Variants in PTPN3 observed in about 807,000 individuals in gnomAD.
PTPN3 encodes the protein protein tyrosine phosphatase non-receptor type 3, also known as tyrosine-protein phosphatase non-receptor type 3.
Under a neutral mutation model 132.7 loss-of-function variants are expected in PTPN3, and 96 were observed. That is an observed-to-expected ratio of 0.72 (90% CI 0.61 to 0.86). PTPN3 has a LOEUF of 0.86. Ranked by LOEUF, PTPN3 falls within the 40% of genes least tolerant of loss-of-function variation. PTPN3 has a pLI of 0.00. For synonymous variants in PTPN3, 398 were observed against 429.0 expected (o/e 0.93, Z 0.89); for missense variants, 1,125 against 1,159.6 (o/e 0.97, Z 0.43).
intron 19 of PTPN3, among the ~76,000 whole-genome samples, chr9:109,397,340 T>C (rs1433420092): frequency 6.6e-6 from 1 of 152,220 alleles, no homozygotes; most frequent in Admixed American, 6.5e-5. Flanking sequence ...CAAGGAATAA[T>C]GGGATCTGCT....
intron 2 of PTPN3, among the ~76,000 whole-genome samples, chr9:109,459,644 G>A (rs2900491): frequency 0.33 from 50,336 of 151,890 alleles, 9,137 homozygotes; most frequent in African/African-American, 0.45. Context: ...CAAACTCCTG[G>A]GCTCAAGGGA....
intron 2 of PTPN3, among the ~76,000 whole-genome samples, chr9:109,458,367 T>C (rs567662306): frequency 2.0e-5 from 3 of 152,202 alleles, no homozygotes; most frequent in East Asian, 1.9e-4. Context: ...CAGCATGGAG[T>C]GTTTGGAAAA....
Position 109,408,437 on chromosome 9 carries a change from C to A in PTPN3, c.1579-60G>T, listed in dbSNP as rs1841750229. On this transcript the variant is annotated intron_variant, in intron 16 of 25. Transcript: ENST00000374541. ...TTTTTAAGTTAAACAAACAAACAAA[C>A]AAAAAAACGAGTAGCTCACAGCATC... 1.1e-5 allele frequency: 15 copies of A among 1,380,548 alleles called. No homozygotes were observed. In the Admixed American group the frequency reaches 2.4e-4, roughly 22 times the overall value. The allele number at this position is 1,380,548 out of a possible 1,614,324, so 85.5% of individuals were successfully genotyped here. A position where few individuals can be genotyped will look rare whatever the true frequency, so the allele number is the denominator to read the frequency against.
At position 109,376,936 on chromosome 9, in the gene PTPN3, G is replaced by A. The variant is rs1316403678; in HGVS notation, c.*2620C>T. On this transcript the variant is annotated 3_prime_UTR_variant, in exon 26 of 26. Coordinates refer to ENST00000374541, the MANE Select transcript of PTPN3 (RefSeq NM_002829.4). ...CTGGCCTGCCCAGTGGCAGAAGACTGCTTGCAACCTTTGGTAGGCTTTTTA... is the reference window on the plus strand; with the variant it reads ...CTGGCCTGCCCAGTGGCAGAAGACTACTTGCAACCTTTGGTAGGCTTTTTA... The A allele has an allele frequency of 6.6e-6, 1 of 152,214 alleles. No individual in the cohort carries two copies. The highest frequency in any genetic ancestry group is 1.5e-5 in the Non-Finnish European group (1 of 68,046). 9.4% of individuals were successfully genotyped at this position (152,214 alleles called of 1,614,324 possible).
At chr9:109,418,989 C>T (rs921010687) in intron 14 of PTPN3, among the ~76,000 whole-genome samples, 1 of 152,212 alleles carries the variant, frequency 6.6e-6, no homozygotes, top group Non-Finnish European at 1.5e-5. Context: ...TCTAGTCACG[C>T]ATGCCTGCAC....
chr9:109,382,192 G>A, intron 24 of PTPN3, 110 bp downstream of exon 24: 1 of 1,335,074 alleles, frequency 7.5e-7, no homozygotes, highest in African/African-American at 1.5e-5. Context: ...AGGTTTGTAA[G>A]GGCACACGAC....
intron 11 of PTPN3, among the ~76,000 whole-genome samples, chr9:109,427,354 C>T (rs1227620775): frequency 2.6e-5 from 4 of 152,290 alleles, no homozygotes; most frequent in Non-Finnish European, 5.9e-5. Context: ...TCATCATCTG[C>T]GCTTCTTCAT....
At chr9:109,414,565 C>G (rs1051473998) in intron 14 of PTPN3, among the ~76,000 whole-genome samples, 3 of 152,156 alleles carry the variant, frequency 2.0e-5, no homozygotes, top group African/African-American at 7.2e-5. Flanking sequence ...AGACAGTCAC[C>G]ACAGGAAACA....
intron 10 of PTPN3, 105 bp downstream of exon 10, chr9:109,432,968 A>C: frequency 6.7e-7 from 1 of 1,486,416 alleles, no homozygotes; most frequent in Non-Finnish European, 9.0e-7. Context: ...GGCACTCTCT[A>C]TCTTTTCTTT....
chr9:109,447,502 C>G (rs1844942005), intron 6 of PTPN3, among the ~76,000 whole-genome samples: 1 of 152,016 alleles, frequency 6.6e-6, no homozygotes, highest in Non-Finnish European at 1.5e-5. Context: ...GTAGATTGTG[C>G]TGGGGAAGTG....
At position 109,422,767 on chromosome 9, in the gene PTPN3, A is replaced by C. The variant is rs1034193429; in HGVS notation, c.1087T>G (p.Leu363Val). The C allele has an allele frequency of 1.9e-6, 3 of 1,611,414 alleles. No homozygotes were observed. Among genetic ancestry groups the C allele is most frequent in the Non-Finnish European group, 1.7e-6 (2 of 1,177,912 alleles). ...CGAGAAGGCAGACTCTTGGTTTCTA[A>C]GTGCTCCACTGATAAGGATCTCCGC... The part of the protein sequence containing the change: ...AMRRSLSVEH[L>V]ETKSLPSRSP... Residue 363 changes from leucine to valine, a missense_variant, in exon 13 of 26, where the codon TTA (leucine) becomes GTA (valine). By Grantham distance (32) the Leu-to-Val change is conservative. Coordinates refer to ENST00000374541, the MANE Select transcript of PTPN3 (RefSeq NM_002829.4).
chr9:109,465,719 A>AAAAG (rs1478355110), intron 1 of PTPN3, among the ~76,000 whole-genome samples: 18 of 150,240 alleles, frequency 1.2e-4, no homozygotes, highest in African/African-American at 4.5e-4. Context: ...AAAAAAAAAA[A>AAAAG]AAAAAAAAAA....
intron 1 of PTPN3, among the ~76,000 whole-genome samples, chr9:109,477,045 C>G (rs1399229215): frequency 6.6e-6 from 1 of 152,154 alleles, no homozygotes; most frequent in Non-Finnish European, 1.5e-5. Context: ...GAACCACGCA[C>G]AGGTCACACA....
chr9:109,382,409 G>A lies in PTPN3; in HGVS notation c.2421C>T (p.Val807=), dbSNP rs150855452. Residue 807 remains valine, a synonymous_variant, in exon 24 of 26, where the codon GTC becomes GTT. Coordinates refer to ENST00000374541, the MANE Select transcript of PTPN3 (RefSeq NM_002829.4). ...EEHTVTHLQY[V]AWPDHGVPDD... The stretch of plus-strand genomic sequence containing the variant: ...CGGGCACACCGTGGTCAGGCCATGC[G>A]ACGTACTGGAGATGTGTCACTGTGT... 17 of 1,614,182 alleles carry A rather than the reference G, an allele frequency of 1.1e-5. No individual in the cohort carries two copies. Among genetic ancestry groups the A allele is most frequent in the Middle Eastern group, 3.3e-4 (2 of 6,062 alleles).
intron 25 of PTPN3, 33 bp from the exon 26 acceptor site, chr9:109,379,666 A>C (rs772875589): frequency 6.4e-7 from 1 of 1,568,742 alleles, no homozygotes. Flanking sequence ...CAAGTCCTGT[A>C]GCTCCAGGAA....
At chr9:109,430,620 G>C (rs184178137) in intron 10 of PTPN3, among the ~76,000 whole-genome samples, 220 of 152,328 alleles carry the variant, frequency 1.4e-3, no homozygotes, top group African/African-American at 4.8e-3. Flanking sequence ...AGAGGACATG[G>C]AGCCACTGCC....
intron 11 of PTPN3, among the ~76,000 whole-genome samples, chr9:109,427,617 C>T (rs772255882): frequency 2.0e-5 from 3 of 152,184 alleles, no homozygotes; most frequent in Non-Finnish European, 4.4e-5. Context: ...GCTTTGCCTG[C>T]ATTCTGCATG....
At chr9:109,506,571 C>T in the PTPN3 span, among the ~76,000 whole-genome samples, 1 of 148,524 alleles carries the variant, frequency 6.7e-6, no homozygotes, top group African/African-American at 2.5e-5. Flanking sequence ...TTCCTTCCTT[C>T]CTTCCTCTCT....
the PTPN3 span, among the ~76,000 whole-genome samples, chr9:109,505,052 G>T: frequency 6.6e-6 from 1 of 152,214 alleles, no homozygotes. Context: ...CAGCAGTGAT[G>T]AAGGAAATAC....
Sources: gnomAD v4.1 joint callset for allele counts (sites outside exome capture counted in the v4.1 genomes callset) on GRCh38, gnomAD v4.1.1 for gene constraint, MANE v1.5 for transcripts, NCBI Gene and HGNC (gene_info 2026-07-23, HGNC 2026-07-21) for gene names.